The following DCDC2C variants were observed in gnomAD, a reference collection of about 807,000 sequenced individuals.
DCDC2C encodes the protein doublecortin domain-containing protein 2C.
DCDC2C carries 44 observed loss-of-function variants against 45.0 expected under a neutral mutation model. That is an observed-to-expected ratio of 0.98 (90% CI 0.77 to 1.26). The LOEUF (loss-of-function observed/expected upper bound fraction) is 1.26, where lower values mean the gene tolerates loss of function less well. Ranked by LOEUF, DCDC2C falls within the 50% of genes most tolerant of loss-of-function variation. DCDC2C has a pLI of 0.00. For missense variants in DCDC2C, 447 were observed against 468.9 expected, an observed-to-expected ratio of 0.95 and a Z score of 0.43; for synonymous variants, 187 against 178.8, an observed-to-expected ratio of 1.05 and a Z score of -0.37.
intron 10 of DCDC2C, among the ~76,000 whole-genome samples, chr2:3,829,561 A>G (rs1167134720): frequency 6.6e-6 from 1 of 152,056 alleles, no homozygotes; most frequent in East Asian, 1.9e-4. Context: ...GGTTCCTATA[A>G]TCTTTTCCTG....
At chr2:3,807,593 A>G (rs35127767) in intron 10 of DCDC2C, among the ~76,000 whole-genome samples, 43,313 of 151,730 alleles carry the variant, frequency 0.29, 7,677 homozygotes, top group African/African-American at 0.51. Context: ...GCTATAATTT[A>G]TACACAGTAG....
chr2:3,808,405 T>A (rs1357258716), intron 10 of DCDC2C, among the ~76,000 whole-genome samples: 1 of 152,182 alleles, frequency 6.6e-6, no homozygotes, highest in East Asian at 1.9e-4. Flanking sequence ...AAATTCTTTT[T>A]TTTTTGAGAT....
chr2:3,769,149 G>T lies in DCDC2C; in HGVS notation c.854-162G>T, dbSNP rs137935195. The T allele has an allele frequency of 1.4e-3, 878 of 615,166 alleles. 7 individuals carry two copies. The highest frequency in any genetic ancestry group is 0.014 in the African/African-American group (775 of 54,348). The allele number at this position is 615,166 out of a possible 1,614,324, so 38.1% of individuals were successfully genotyped here. A position where few individuals can be genotyped will look rare whatever the true frequency, so the allele number is the denominator to read the frequency against. On this transcript the variant is annotated intron_variant, in intron 7 of 10. Coordinates refer to ENST00000399143, the MANE Select transcript of DCDC2C (RefSeq NM_001287444.2). ...CAGATGCAAACAGGAAGGGCGAGAG[G>T]GAAACGGGGTGAGGCGGACGGGGTT...
intron 10 of DCDC2C, among the ~76,000 whole-genome samples, chr2:3,796,922 T>G (rs758066914): frequency 6.6e-6 from 1 of 152,232 alleles, no homozygotes; most frequent in Non-Finnish European, 1.5e-5. Context: ...TTCTATTGAT[T>G]GAAATAGTTT....
At chr2:3,827,612 T>A (rs1477570759) in intron 10 of DCDC2C, among the ~76,000 whole-genome samples, 4 of 152,226 alleles carry the variant, frequency 2.6e-5, no homozygotes, top group Admixed American at 2.6e-4. Context: ...TGGGGAAATA[T>A]ACTTTCCATT....
At chr2:3,762,851 G>T (rs73144868) in intron 6 of DCDC2C, among the ~76,000 whole-genome samples, 3,206 of 152,242 alleles carry the variant, frequency 0.021, 118 homozygotes, top group African/African-American at 0.073. Context: ...AGGTGGCTGA[G>T]AGGAGGCAGC....
At chr2:3,746,433 G>A (rs1290043426) in intron 4 of DCDC2C, among the ~76,000 whole-genome samples, 1 of 152,212 alleles carries the variant, frequency 6.6e-6, no homozygotes, top group Non-Finnish European at 1.5e-5. Flanking sequence ...TTAGTATGGA[G>A]CGGGGGACAT....
chr2:3,744,196 G>C (rs193280331), intron 4 of DCDC2C, among the ~76,000 whole-genome samples: 5 of 152,308 alleles, frequency 3.3e-5, no homozygotes, highest in Non-Finnish European at 7.3e-5. Context: ...CTGGGGATGA[G>C]AGAGGAGAAG....
intron 10 of DCDC2C, among the ~76,000 whole-genome samples, chr2:3,846,674 T>C (rs1672338744): frequency 6.6e-6 from 1 of 152,032 alleles, no homozygotes; most frequent in Non-Finnish European, 1.5e-5. Context: ...AGTTTTAGAG[T>C]GGTCTTGGTA....
chr2:3,760,821 T>A (rs1329882322), intron 6 of DCDC2C, among the ~76,000 whole-genome samples: 1 of 150,320 alleles, frequency 6.7e-6, no homozygotes, highest in African/African-American at 2.4e-5. Flanking sequence ...GTTCTGCACA[T>A]GTATCCCAGA....
At chr2:3,807,006 C>G (rs555764929) in intron 10 of DCDC2C, among the ~76,000 whole-genome samples, 4 of 152,202 alleles carry the variant, frequency 2.6e-5, no homozygotes, top group South Asian at 4.1e-4. Flanking sequence ...TGCATAGGCT[C>G]TGCTTGCCCC....
rs1168400193 is a variant in DCDC2C, at chr2:3,813,056, TATATATA to T, written c.1065+27957_1065+27963del. On this transcript the variant is annotated intron_variant, in intron 10 of 10. Transcript: ENST00000399143. Reference sequence around the variant, plus strand: ...AGAAGAACGTATATATATATATATATATATATATATATTTTTTTTTTTTTGCTGTTTT... The same window carrying T: ...AGAAGAACGTATATATATATATATATTATATTTTTTTTTTTTTGCTGTTTT... Among the ~76,000 whole-genome samples the T allele has an allele frequency of 6.4e-3, 645 of 100,384 alleles. 11 individuals carry two copies. Among genetic ancestry groups the T allele is most frequent in the Non-Finnish European group, 9.3e-3 (491 of 52,878 alleles). 65.9% of individuals were successfully genotyped at this position (100,384 alleles called of 152,430 possible). A position where few individuals can be genotyped will look rare whatever the true frequency, so the allele number is the denominator to read the frequency against.
intron 2 of DCDC2C, among the ~76,000 whole-genome samples, chr2:3,723,004 T>C (rs1381540360): frequency 6.6e-6 from 1 of 152,204 alleles, no homozygotes; most frequent in Non-Finnish European, 1.5e-5. Flanking sequence ...TAATTTTATA[T>C]ATAGTATGAT....
chr2:3,739,941 T>TA (rs1669154928), intron 3 of DCDC2C, among the ~76,000 whole-genome samples: 1 of 152,192 alleles, frequency 6.6e-6, no homozygotes, highest in Non-Finnish European at 1.5e-5. Context: ...TGCCCGTCTG[T>TA]ATGTCCCCTA....
intron 10 of DCDC2C, among the ~76,000 whole-genome samples, chr2:3,827,638 T>TTTAC (rs1671858318): frequency 6.6e-6 from 1 of 152,196 alleles, no homozygotes; most frequent in South Asian, 2.1e-4. Context: ...CTGGGGAATG[T>TTTAC]TTACCTTCTG....
At chr2:3,828,538 C>T (rs1321226976) in intron 10 of DCDC2C, among the ~76,000 whole-genome samples, 1 of 152,214 alleles carries the variant, frequency 6.6e-6, no homozygotes, top group Non-Finnish European at 1.5e-5. Context: ...GTCTCTGAGC[C>T]GTTTCTCACT....
chr2:3,737,860 G>A (rs1222915873), intron 3 of DCDC2C, among the ~76,000 whole-genome samples: 7 of 152,120 alleles, frequency 4.6e-5, no homozygotes, highest in Non-Finnish European at 8.8e-5. Context: ...TATTTAAAAT[G>A]TTTAAAATGT....
At chr2:3,754,326 A>C (rs1355835933) in intron 5 of DCDC2C, among the ~76,000 whole-genome samples, 1 of 152,240 alleles carries the variant, frequency 6.6e-6, no homozygotes, top group African/African-American at 2.4e-5. Flanking sequence ...CTGCACTTGC[A>C]AAGGCAGCAG....
chr2:3,755,605 A>C (rs1265657309), intron 6 of DCDC2C, among the ~76,000 whole-genome samples: 1 of 151,904 alleles, frequency 6.6e-6, no homozygotes, highest in East Asian at 1.9e-4. Flanking sequence ...GTGTGTATGC[A>C]TGTGTGTATG....
Sources: allele counts gnomAD v4.1 joint callset (sites outside exome capture counted in the v4.1 genomes callset), GRCh38; gene constraint gnomAD v4.1.1; transcripts MANE v1.5; gene names NCBI Gene and HGNC (gene_info 2026-07-23, HGNC 2026-07-21).